GHR: variants seen among roughly 807,000 people sequenced by gnomAD.
The protein encoded by GHR is GH receptor.
In GHR, 35 loss-of-function variants were observed where a neutral mutation model predicts 67.1. The observed-to-expected ratio is 0.52, with a 90% confidence interval of 0.40 to 0.69. The LOEUF (loss-of-function observed/expected upper bound fraction) is 0.69, where lower values mean the gene tolerates loss of function less well. GHR is among the 30% of genes least tolerant of loss of function. GHR has a pLI of 0.00. For synonymous variants in GHR, 272 were observed against 269.1 expected, an observed-to-expected ratio of 1.01 and a Z score of -0.10; for missense variants, 792 against 764.6, an observed-to-expected ratio of 1.04 and a Z score of -0.42.
At chr5:42,592,112 C>G (rs1580007405) in intron 2 of GHR, among the ~76,000 whole-genome samples, 1 of 152,274 alleles carries the variant, frequency 6.6e-6, no homozygotes, top group East Asian at 1.9e-4. Context: ...TGTGGATTCT[C>G]TCAGCTTTCC....
intron 1 of GHR, among the ~76,000 whole-genome samples, chr5:42,457,413 C>G (rs930029302): frequency 2.0e-5 from 3 of 152,120 alleles, no homozygotes; most frequent in African/African-American, 7.2e-5. Flanking sequence ...AAATAACACA[C>G]TTATTGTCCA....
chr5:42,545,979 T>A (rs1413295437), intron 1 of GHR, among the ~76,000 whole-genome samples: 1 of 152,170 alleles, frequency 6.6e-6, no homozygotes, highest in African/African-American at 2.4e-5. Context: ...ATTCGTAAGT[T>A]CTAACAGTTC....
chr5:42,561,322 C>T (rs1475787532), intron 1 of GHR, among the ~76,000 whole-genome samples: 5 of 152,150 alleles, frequency 3.3e-5, no homozygotes, highest in Non-Finnish European at 7.4e-5. Context: ...CTTGAAGAAC[C>T]ATTATTTTGA....
intron 6 of GHR, among the ~76,000 whole-genome samples, chr5:42,702,576 G>A (rs546289623): frequency 7.2e-5 from 11 of 152,122 alleles, no homozygotes; most frequent in African/African-American, 1.9e-4. Context: ...ATAATATAAT[G>A]GATCACATGG....
At chr5:42,613,144 C>T (rs997215396) in intron 2 of GHR, among the ~76,000 whole-genome samples, 2 of 152,116 alleles carry the variant, frequency 1.3e-5, no homozygotes, top group African/African-American at 2.4e-5. Context: ...TAGCCATTCT[C>T]CAGGGACCAC....
At chr5:42,701,991 G>T (rs1187572961) in intron 6 of GHR, among the ~76,000 whole-genome samples, 1 of 151,626 alleles carries the variant, frequency 6.6e-6, no homozygotes, top group East Asian at 1.9e-4. Flanking sequence ...TTGAAATATG[G>T]ATACATTGTA....
At chr5:42,527,600 A>G (rs558625325) in intron 1 of GHR, among the ~76,000 whole-genome samples, 3 of 152,324 alleles carry the variant, frequency 2.0e-5, no homozygotes, top group East Asian at 1.9e-4. Context: ...AGACTCCCTC[A>G]CAATATTAGT....
chr5:42,434,526 C>A (rs1743238210), intron 1 of GHR, among the ~76,000 whole-genome samples: 1 of 152,136 alleles, frequency 6.6e-6, no homozygotes, highest in South Asian at 2.1e-4. Context: ...TGAGAAGTGA[C>A]AAAACTTTCT....
intron 1 of GHR, among the ~76,000 whole-genome samples, chr5:42,558,718 C>G (rs1333244500): frequency 6.6e-6 from 1 of 152,164 alleles, no homozygotes; most frequent in African/African-American, 2.4e-5. Context: ...GTAGGCTATA[C>G]CATCTAGGTT....
At chr5:42,435,713 A>T (rs1273357326) in intron 1 of GHR, among the ~76,000 whole-genome samples, 2 of 152,218 alleles carry the variant, frequency 1.3e-5, no homozygotes, top group Non-Finnish European at 2.9e-5. Flanking sequence ...GCTTCCACTC[A>T]CATCTTCTTT....
At chr5:42,565,072 T>C (rs987321939) in intron 1 of GHR, among the ~76,000 whole-genome samples, 2 of 152,084 alleles carry the variant, frequency 1.3e-5, no homozygotes, top group African/African-American at 4.8e-5. Context: ...GTCACTGAGG[T>C]GTTGTGCTGA....
chr5:42,612,834 G>A (rs1462355685), intron 2 of GHR, among the ~76,000 whole-genome samples: 5 of 152,052 alleles, frequency 3.3e-5, no homozygotes, highest in Non-Finnish European at 5.9e-5. Flanking sequence ...TGACTCCAAA[G>A]CCTTGACCCT....
intron 1 of GHR, among the ~76,000 whole-genome samples, chr5:42,495,250 G>A (rs777246948): frequency 3.2e-4 from 49 of 152,042 alleles, no homozygotes; most frequent in African/African-American, 1.2e-3. Context: ...GTAAGATAGA[G>A]TGTTTCAGGC....
At chr5:42,448,423 C>A (rs1294526979) in intron 1 of GHR, among the ~76,000 whole-genome samples, 1 of 151,880 alleles carries the variant, frequency 6.6e-6, no homozygotes, top group East Asian at 1.9e-4. Context: ...ATGTCCTTTG[C>A]CCACTTTTTG....
intron 1 of GHR, among the ~76,000 whole-genome samples, chr5:42,503,679 G>A (rs1746634405): frequency 6.6e-6 from 1 of 152,166 alleles, no homozygotes; most frequent in South Asian, 2.1e-4. Context: ...ATGTCAGGTA[G>A]AGATAAGTGC....
chr5:42,700,761 T>A (rs547690233), intron 6 of GHR, among the ~76,000 whole-genome samples: 2 of 152,046 alleles, frequency 1.3e-5, no homozygotes, highest in African/African-American at 2.4e-5. Context: ...CTGGCACAGA[T>A]CACTCCCAGA....
intron 1 of GHR, among the ~76,000 whole-genome samples, chr5:42,538,229 GT>G (rs1748347806): frequency 6.6e-6 from 1 of 151,914 alleles, no homozygotes; most frequent in African/African-American, 2.4e-5. Flanking sequence ...TTGGTTTTTT[GT>G]TTTTGGTGTT....
At chr5:42,452,048 T>C (rs1012514442) in intron 1 of GHR, among the ~76,000 whole-genome samples, 4 of 152,258 alleles carry the variant, frequency 2.6e-5, no homozygotes, top group Admixed American at 1.3e-4. Flanking sequence ...TTCAAGGTTT[T>C]GTTTCAAGAT....
intron 2 of GHR, among the ~76,000 whole-genome samples, chr5:42,628,027 G>A (rs1426424234): frequency 6.6e-6 from 1 of 152,114 alleles, no homozygotes; most frequent in African/African-American, 2.4e-5. Context: ...TCTGAAGTCG[G>A]GCAGCCCAGT....
Sources: allele counts gnomAD v4.1 joint callset (sites outside exome capture counted in the v4.1 genomes callset), GRCh38; gene constraint gnomAD v4.1.1; transcripts MANE v1.5; gene names NCBI Gene and HGNC (gene_info 2026-07-23, HGNC 2026-07-21).